Variants in MAP3K20 observed in about 807,000 individuals in gnomAD.
The protein encoded by MAP3K20 is HCCS-4.
In MAP3K20, 40 loss-of-function variants were observed where a neutral mutation model predicts 85.7. The ratio of observed to expected loss-of-function variants is 0.47; its 90% confidence interval spans 0.36 to 0.61. MAP3K20 has a LOEUF of 0.61. Ranked by LOEUF, MAP3K20 falls within the 20% of genes least tolerant of loss-of-function variation. MAP3K20 has a pLI of 0.00. For synonymous variants in MAP3K20, 325 were observed against 327.7 expected (o/e 0.99, Z 0.09); for missense variants, 817 against 961.7 (o/e 0.85, Z 1.99).
At position 173,266,531 on chromosome 2, in the gene MAP3K20, T is replaced by C. The variant is rs376883135; in HGVS notation, c.2184T>C (p.Pro728=). ...SQSALNPHQS[P]DFKRSPRDLH... is the part of the protein sequence containing the mutation. ...CAGCACTCAATCCTCACCAGTCGCCTGACTTCAAGAGAAGCCCCAGGGACC... is the reference window on the plus strand; with the variant it reads ...CAGCACTCAATCCTCACCAGTCGCCCGACTTCAAGAGAAGCCCCAGGGACC... The change falls in exon 20 of 20, where the codon CCT becomes CCC. Residue 728 remains proline (P), a synonymous_variant. Coordinates refer to ENST00000375213, the MANE Select transcript of MAP3K20 (RefSeq NM_016653.3). The C allele has an allele frequency of 2.2e-5, 36 of 1,613,854 alleles. No individual in the cohort carries two copies. The African/African-American group carries it at 4.7e-4, about 21-fold the overall frequency.
chr2:173,138,306 A>C (rs533483843), intron 2 of MAP3K20, among the ~76,000 whole-genome samples: 15 of 152,314 alleles, frequency 9.8e-5, no homozygotes, highest in African/African-American at 3.6e-4. Context: ...AAAATCTGAA[A>C]GTGTCCATGA....
intron 14 of MAP3K20, among the ~76,000 whole-genome samples, chr2:173,233,166 G>T (rs755233121): frequency 6.6e-6 from 1 of 152,192 alleles, no homozygotes; most frequent in Non-Finnish European, 1.5e-5. Flanking sequence ...ATAGCAGGAG[G>T]TGACTCAGTT....
At chr2:173,087,571 C>T (rs1257741296) in intron 1 of MAP3K20, among the ~76,000 whole-genome samples, 2 of 152,112 alleles carry the variant, frequency 1.3e-5, no homozygotes, top group African/African-American at 2.4e-5. Context: ...CTAAACATAT[C>T]CTATTAAAAT....
In MAP3K20 at chr2:173,245,806, C is replaced by T. The variant is rs201662127; in HGVS notation, c.1359+6310C>T. Among the ~76,000 whole-genome samples, 3 of 152,154 alleles carry T rather than the reference C, an allele frequency of 2.0e-5. No homozygotes were observed. In the East Asian group the frequency reaches 5.8e-4, roughly 29 times the overall value. ...AATTAGCTGGGTGTGGTGGCCTGCG[C>T]CTGTAGTCCCAGCTACTTGGGAGGC... On this transcript the variant is annotated intron_variant, in intron 16 of 19. Transcript: ENST00000375213.
chr2:173,105,221 C>T (rs1378065084), intron 2 of MAP3K20, among the ~76,000 whole-genome samples: 4 of 152,154 alleles, frequency 2.6e-5, no homozygotes, highest in Non-Finnish European at 5.9e-5. Context: ...ACAGTAATCT[C>T]AGTGAGAGAT....
chr2:173,127,736 CAAA>C (rs5836401), intron 2 of MAP3K20, among the ~76,000 whole-genome samples: 2 of 143,090 alleles, frequency 1.4e-5, no homozygotes, highest in Non-Finnish European at 3.1e-5. Context: ...TATGTTAGGA[CAAA>C]AAAAAAAAAA....
chr2:173,159,348 T>TTTCTTTCTTTCTTTC (rs146193671), intron 2 of MAP3K20, among the ~76,000 whole-genome samples: 13 of 147,736 alleles, frequency 8.8e-5, no homozygotes, highest in Middle Eastern at 3.2e-3. Context: ...TGTATTTTAC[T>TTTCTTTCTTTCTTTC]CTTTCTTTCT....
At chr2:173,226,586 TAGA>T in intron 11 of MAP3K20, 15 of 985,864 alleles carry the variant, frequency 1.5e-5, no homozygotes, top group Non-Finnish European at 1.4e-5. Flanking sequence ...TCAGGAAATC[TAGA>T]AGACTAGCCG....
intron 1 of MAP3K20, among the ~76,000 whole-genome samples, chr2:173,081,680 C>G (rs1687018420): frequency 6.6e-6 from 1 of 151,966 alleles, no homozygotes; most frequent in South Asian, 2.1e-4. Flanking sequence ...AGCTTCTCAC[C>G]CAGTTTGGGA....
intron 2 of MAP3K20, among the ~76,000 whole-genome samples, chr2:173,147,499 C>A (rs557665137): frequency 6.6e-6 from 1 of 152,294 alleles, no homozygotes; most frequent in South Asian, 2.1e-4. Context: ...TATTGCTATT[C>A]TAAACAAAAT....
chr2:173,203,845 A>G lies in MAP3K20; in HGVS notation c.719A>G (p.His240Arg). The change falls in exon 9 of 20, where the codon CAT becomes CGT. Residue 240 changes from histidine (H) to arginine (R), a missense_variant. Physicochemically the swap from His to Arg is conservative, Grantham distance 29. This residue lies in a region of MAP3K20 where 200 missense variants were observed against 302.7 expected (regional missense o/e 0.66). Transcript: ENST00000375213. ...CCCAGAAGTTTTGCTGAACTGTTAC[A>G]TCAGTGTTGGGAAGCTGATGCCAAG... ...SCPRSFAELL[H>R]QCWEADAKKR... 1 of 1,613,948 alleles carries G rather than the reference A, an allele frequency of 6.2e-7. No homozygotes were observed. Among genetic ancestry groups the G allele is most frequent in the Non-Finnish European group, 8.5e-7 (1 of 1,179,900 alleles).
rs762901588 is a variant in MAP3K20 at position 173,198,131 on chromosome 2, A to G, written c.669+19A>G. The stretch of plus-strand genomic sequence containing the variant: ...AAACGAGGTAAGACTACGTTTCTCC[A>G]TTCAGGTACATAGATCAGAAAACAG... On this transcript the variant is annotated intron_variant, in intron 8 of 19. Transcript: ENST00000375213. This position sits in a 1 kb window ranked among gnomAD's most constrained non-coding sequence, Gnocchi z 5.8. The G allele has an allele frequency of 1.9e-6, 3 of 1,599,680 alleles. No homozygotes were observed. Among genetic ancestry groups the G allele is most frequent in the Non-Finnish European group, 2.6e-6 (3 of 1,170,686 alleles).
At chr2:173,213,636 G>C (rs777425537) in intron 10 of MAP3K20, among the ~76,000 whole-genome samples, 2 of 152,144 alleles carry the variant, frequency 1.3e-5, no homozygotes, top group Non-Finnish European at 2.9e-5. Flanking sequence ...ACTGAGAACA[G>C]AACCCAGTAC....
chr2:173,231,708 C>T (rs564821835), intron 12 of MAP3K20, among the ~76,000 whole-genome samples: 1 of 152,184 alleles, frequency 6.6e-6, no homozygotes, highest in Non-Finnish European at 1.5e-5. Flanking sequence ...TCACTGGGTC[C>T]AATCTCCTCA....
intron 2 of MAP3K20, among the ~76,000 whole-genome samples, chr2:173,121,549 G>A (rs1688289195): frequency 6.6e-6 from 1 of 152,038 alleles, no homozygotes; most frequent in Non-Finnish European, 1.5e-5. Flanking sequence ...ACCACGCCCG[G>A]CTAATTTTTT....
intron 16 of MAP3K20, among the ~76,000 whole-genome samples, chr2:173,257,596 C>T (rs1271524407): frequency 6.6e-6 from 1 of 152,144 alleles, no homozygotes; most frequent in Non-Finnish European, 1.5e-5. Context: ...TTTCAAGTTT[C>T]CTAGTCAACA....
chr2:173,081,037 A>G (rs1473959843), intron 1 of MAP3K20, among the ~76,000 whole-genome samples: 2 of 152,202 alleles, frequency 1.3e-5, no homozygotes, highest in African/African-American at 2.4e-5. Flanking sequence ...ATTTGTCCGT[A>G]TAGCCACAGA....
At chr2:173,216,367 A>T (rs573809415) in intron 10 of MAP3K20, among the ~76,000 whole-genome samples, 1 of 152,330 alleles carries the variant, frequency 6.6e-6, no homozygotes, top group East Asian at 1.9e-4. Context: ...CATCTGGCCC[A>T]GGGTTTTCTA....
intron 8 of MAP3K20, among the ~76,000 whole-genome samples, chr2:173,202,030 C>T (rs1025234597): frequency 2.0e-5 from 3 of 152,148 alleles, no homozygotes; most frequent in South Asian, 4.1e-4. Flanking sequence ...TTACCCTTGA[C>T]GAAAACTCAT....
Sources: gnomAD v4.1 joint callset for allele counts (sites outside exome capture counted in the v4.1 genomes callset) on GRCh38, gnomAD v4.1.1 for gene constraint, gnomAD v4.1.1 regional missense constraint, Gnocchi (gnomAD v3.1) non-coding constraint, MANE v1.5 for transcripts, NCBI Gene and HGNC (gene_info 2026-07-23, HGNC 2026-07-21) for gene names.